Variants in USP34 observed in about 807,000 individuals in gnomAD.
The protein encoded by USP34 is ubiquitin carboxyl-terminal hydrolase 34.
USP34 carries 70 observed loss-of-function variants against 460.3 expected under a neutral mutation model. That is an observed-to-expected ratio of 0.15 (90% confidence interval 0.13 to 0.19). USP34 has a LOEUF of 0.19. USP34 is among the 10% of genes least tolerant of loss of function. USP34 has a pLI of 1.00. For missense variants in USP34, 3,985 were observed against 4,236.2 expected (o/e 0.94, Z 1.65); for synonymous variants, 1,647 against 1,405.3 (o/e 1.17, Z -3.85).
intron 75 of USP34, among the ~76,000 whole-genome samples, chr2:61,193,871 TCAACCCTGCTGAGG>T (rs1686715025): frequency 6.6e-6 from 1 of 152,188 alleles, no homozygotes; most frequent in Non-Finnish European, 1.5e-5. Context: ...TTAACACAGC[TCAACCCTGCTGAGG>T]CAGTGTGAAG....
intron 41 of USP34, among the ~76,000 whole-genome samples, chr2:61,267,669 A>G (rs554752886): frequency 6.6e-6 from 1 of 152,118 alleles, no homozygotes; most frequent in Non-Finnish European, 1.5e-5. Context: ...GCTGGAGTGC[A>G]GTGGCGCCAT....
intron 1 of USP34, among the ~76,000 whole-genome samples, chr2:61,425,197 G>T (rs527712682): frequency 2.0e-5 from 3 of 151,806 alleles, no homozygotes; most frequent in African/African-American, 7.3e-5. Context: ...CGCCAACAAG[G>T]ATACCAAATT....
intron 71 of USP34, 57 bp downstream of exon 71, chr2:61,206,703 C>T (rs1687129557): frequency 1.9e-6 from 3 of 1,582,776 alleles, no homozygotes; most frequent in African/African-American, 2.7e-5. Flanking sequence ...GATTTTAAAA[C>T]CTTCTCTCTC....
At chr2:61,292,087 G>A (rs1052920112) in intron 33 of USP34, among the ~76,000 whole-genome samples, 1 of 152,088 alleles carries the variant, frequency 6.6e-6, no homozygotes, top group Admixed American at 6.5e-5. Flanking sequence ...TTCTTTTGAA[G>A]GGATACAACT....
chr2:61,343,054 TTG>T (rs1376432524), intron 16 of USP34, among the ~76,000 whole-genome samples: 2 of 152,150 alleles, frequency 1.3e-5, no homozygotes, highest in Non-Finnish European at 2.9e-5. Context: ...GGTCCACAAG[TTG>T]TGTTTCTAAG....
Position 61,236,313 on chromosome 2 carries a change from TACCA to T in USP34, c.6842+8_6842+11del. 1 of 1,602,346 alleles carries T rather than the reference TACCA, an allele frequency of 6.2e-7. No individual in the cohort carries two copies. On this transcript the variant is annotated splice_region_variant and intron_variant, in intron 54 of 79. Transcript: ENST00000398571. Reference sequence around the variant, plus strand: ...TGTGTAAAATATCTACTATGAAATTTACCAAACTTACCCAAAATATGTATGTTCA... The same window carrying T: ...TGTGTAAAATATCTACTATGAAATTTAACTTACCCAAAATATGTATGTTCA...
At chr2:61,364,535 A>T (rs772960294) in intron 10 of USP34, among the ~76,000 whole-genome samples, 2 of 152,234 alleles carry the variant, frequency 1.3e-5, no homozygotes, top group Non-Finnish European at 2.9e-5. Context: ...ATTAACTTGT[A>T]CACATATAAA....
intron 1 of USP34, among the ~76,000 whole-genome samples, chr2:61,452,360 T>C (rs1695308142): frequency 7.3e-6 from 1 of 136,306 alleles, no homozygotes; most frequent in Non-Finnish European, 1.5e-5. Context: ...AGTCTCACTC[T>C]GTCACCCAGG....
At position 61,288,680 on chromosome 2, in the gene USP34, T is replaced by C. The variant is rs747196015; in HGVS notation, c.4746A>G (p.Thr1582=). 3 of 1,613,528 alleles carry C rather than the reference T, an allele frequency of 1.9e-6. No homozygotes were observed. The highest frequency in any genetic ancestry group is 3.3e-5 in the Admixed American group (2 of 59,996). ...AACATTAATTTCTGCACTTTACCTC[T>C]GTTAATCGTGGTATATGAAGACCCT... ...HAKGLHIPRL[T]EVFLVLVQGT... The change falls in exon 34 of 80, where the codon ACA becomes ACG. Residue 1582 remains threonine (T), a synonymous_variant. Transcript: ENST00000398571.
chr2:61,296,830 C>G lies in USP34; in HGVS notation c.4224G>C (p.Leu1408Phe). ...LMLLPTCPNM[L>F]MAFQNISDEQ... ...CATCTGAGATATTCTGGAATGCCATCAACATATTAGGACATGTAGGAAGAA... is the reference window on the plus strand; with the variant it reads ...CATCTGAGATATTCTGGAATGCCATGAACATATTAGGACATGTAGGAAGAA... Residue 1408 changes from leucine (L) to phenylalanine (F), a missense_variant, in exon 30 of 80, where the codon TTG becomes TTC. Coordinates refer to ENST00000398571, the MANE Select transcript of USP34 (RefSeq NM_014709.4). 1 of 1,613,394 alleles carries G rather than the reference C, an allele frequency of 6.2e-7. No homozygotes were observed. Among genetic ancestry groups the G allele is most frequent in the African/African-American group, 1.3e-5 (1 of 74,988 alleles).
chr2:61,326,752 C>G (rs1167393937), intron 20 of USP34, among the ~76,000 whole-genome samples: 3 of 149,836 alleles, frequency 2.0e-5, no homozygotes, highest in African/African-American at 7.4e-5. Flanking sequence ...TGATCTATAA[C>G]CTAGCATGCA....
chr2:61,426,979 A>G (rs1694530663), intron 1 of USP34, among the ~76,000 whole-genome samples: 1 of 152,240 alleles, frequency 6.6e-6, no homozygotes, highest in Non-Finnish European at 1.5e-5. Flanking sequence ...GTCTGCAAGA[A>G]CCACAGAATT....
rs1686609592 is a variant in USP34, at chr2:61,190,648, G to A, written c.9599C>T (p.Ser3200Leu). ...TELCQTQSAM[S>L]KNCIKLLCED... ...ACACAAAAGCTTGATGCAGTTTTTTGACATAGCAGACTAAAGTGGGGAGAA... is the reference window on the plus strand; with the variant it reads ...ACACAAAAGCTTGATGCAGTTTTTTAACATAGCAGACTAAAGTGGGGAGAA... The change falls in exon 77 of 80, where the codon TCA becomes TTA. Residue 3200 changes from serine (S) to leucine (L), a missense_variant. Coordinates refer to ENST00000398571, the MANE Select transcript of USP34 (RefSeq NM_014709.4). 1.2e-6 allele frequency: 2 copies of A among 1,613,170 alleles called. No homozygotes were observed. The highest frequency in any genetic ancestry group is 1.3e-5 in the African/African-American group (1 of 74,872).
chr2:61,454,291 A>G (rs1448518513), intron 1 of USP34, among the ~76,000 whole-genome samples: 1 of 151,774 alleles, frequency 6.6e-6, no homozygotes, highest in Non-Finnish European at 1.5e-5. Flanking sequence ...ATGCTCAGCT[A>G]GGTTTTGTTT....
At chr2:61,232,870 C>CCCT (rs1214353382) in intron 57 of USP34, among the ~76,000 whole-genome samples, 32 of 86,766 alleles carry the variant, frequency 3.7e-4, no homozygotes, top group African/African-American at 1.2e-3. Context: ...TCCCCCCCCC[C>CCCT]TTTTTTTTTT....
Position 61,319,258 on chromosome 2 carries a change from GCAT to G in USP34, c.3080_3082del (p.Asp1027del). 6.3e-7 allele frequency: 1 copy of G among 1,595,612 alleles called. No homozygotes were observed. Among genetic ancestry groups the G allele is most frequent in the Non-Finnish European group, 8.5e-7 (1 of 1,174,346 alleles). On this transcript the variant is annotated inframe_deletion, in exon 22 of 80. Transcript: ENST00000398571. The stretch of plus-strand genomic sequence containing the variant: ...AACTTGATTTAAAAACCAATGGAGT[GCAT>G]CATCATAACATTCAGAATCTTCTAC...
At chr2:61,424,587 G>A (rs1435747208) in intron 1 of USP34, among the ~76,000 whole-genome samples, 1 of 152,086 alleles carries the variant, frequency 6.6e-6, no homozygotes, top group African/African-American at 2.4e-5. Context: ...CATAAAAAAT[G>A]ATCAAGAAAA....
chr2:61,298,364 CAAAAAAAAA>C (rs11417017), intron 29 of USP34, among the ~76,000 whole-genome samples: 4 of 48,050 alleles, frequency 8.3e-5, no homozygotes, highest in Non-Finnish European at 1.1e-4. Context: ...TACAAAAATA[CAAAAAAAAA>C]AAAAAAAAAA....
At chr2:61,248,442 A>C in intron 49 of USP34, 69 bp downstream of exon 49, 1 of 1,455,740 alleles carries the variant, frequency 6.9e-7, no homozygotes, top group Non-Finnish European at 9.2e-7. Flanking sequence ...TGACAACTTT[A>C]TAATTATGCC....
Sources: allele counts gnomAD v4.1 joint callset (sites outside exome capture counted in the v4.1 genomes callset), GRCh38; gene constraint gnomAD v4.1.1; transcripts MANE v1.5; gene names NCBI Gene and HGNC (gene_info 2026-07-23, HGNC 2026-07-21).